KCNT1: variants seen among roughly 807,000 people sequenced by gnomAD.
The protein encoded by KCNT1 is potassium sodium-activated channel subfamily T member 1, also known as potassium channel subfamily T member 1.
In KCNT1, 78 loss-of-function variants were observed where a neutral mutation model predicts 147.8. The ratio of observed to expected loss-of-function variants is 0.53; its 90% CI spans 0.44 to 0.64. KCNT1 has a LOEUF of 0.64. Ranked by LOEUF, KCNT1 falls within the 30% of genes least tolerant of loss-of-function variation. KCNT1 has a pLI of 0.00. For synonymous variants in KCNT1, 867 were observed against 748.8 expected, an observed-to-expected ratio of 1.16 and a Z score of -2.58; for missense variants, 1,419 against 1,750.3, an observed-to-expected ratio of 0.81 and a Z score of 3.38.
Position 135,792,411 on chromosome 9 carries a change from T to C in KCNT1, c.*250T>C. Reference sequence around the variant, plus strand: ...ACACGTCGATGCAGTCCACTTCTCTTTACACAGATGTACCGCAACTCGTGA... The same window carrying C: ...ACACGTCGATGCAGTCCACTTCTCTCTACACAGATGTACCGCAACTCGTGA... On this transcript the variant is annotated 3_prime_UTR_variant, in exon 31 of 31. Transcript: ENST00000371757. 2 of 405,250 alleles carry C rather than the reference T, an allele frequency of 4.9e-6. No homozygotes were observed. The highest frequency in any genetic ancestry group is 5.2e-5 in the South Asian group (2 of 38,746). 25.1% of individuals were successfully genotyped at this position (405,250 alleles called of 1,614,324 possible). A position where few individuals can be genotyped will look rare whatever the true frequency, so the allele number is the denominator to read the frequency against.
intron 1 of KCNT1, among the ~76,000 whole-genome samples, chr9:135,706,517 C>A (rs956846814): frequency 5.3e-5 from 8 of 152,196 alleles, no homozygotes; most frequent in Non-Finnish European, 1.2e-4. Flanking sequence ...TGTGTCCTGC[C>A]AGGCACCACT....
chr9:135,748,819 C>G (rs938338141), intron 2 of KCNT1, among the ~76,000 whole-genome samples: 1 of 152,252 alleles, frequency 6.6e-6, no homozygotes, highest in African/African-American at 2.4e-5. Context: ...GTTCTGCCCC[C>G]ACACCATCCC....
At chr9:135,774,121 GGT>G (rs1203653371) in intron 19 of KCNT1, among the ~76,000 whole-genome samples, 1 of 151,266 alleles carries the variant, frequency 6.6e-6, no homozygotes, top group Non-Finnish European at 1.5e-5. Context: ...TGTCACGTGT[GGT>G]GTGTGTTGTG....
intron 2 of KCNT1, among the ~76,000 whole-genome samples, chr9:135,722,670 C>G (rs1460424761): frequency 6.6e-6 from 1 of 152,232 alleles, no homozygotes; most frequent in Non-Finnish European, 1.5e-5. Context: ...AAGGCGCCGG[C>G]GGACCAGGCT....
chr9:135,736,884 G>A, intron 2 of KCNT1: 1 of 279,582 alleles, frequency 3.6e-6, no homozygotes, highest in East Asian at 5.4e-5. Context: ...CCTGCAGCCC[G>A]GGGAAGGGGG....
At chr9:135,737,439 C>T (rs1830389393) in intron 2 of KCNT1, among the ~76,000 whole-genome samples, 1 of 152,174 alleles carries the variant, frequency 6.6e-6, no homozygotes, top group Non-Finnish European at 1.5e-5. Flanking sequence ...TCCTAGCCAG[C>T]ACCTTTCCCG....
intron 29 of KCNT1, chr9:135,788,309 G>A (rs568255628): frequency 5.1e-5 from 37 of 722,556 alleles, no homozygotes; most frequent in Non-Finnish European, 8.6e-5. Flanking sequence ...CGGCCCTGTT[G>A]GGCAAGGCCT....
chr9:135,746,498 G>T (rs192366706), intron 2 of KCNT1, among the ~76,000 whole-genome samples: 1 of 152,338 alleles, frequency 6.6e-6, no homozygotes, highest in East Asian at 1.9e-4. Flanking sequence ...TTGGCTGTCC[G>T]GAAGCCAGTG....
intron 24 of KCNT1, among the ~76,000 whole-genome samples, chr9:135,780,417 C>T (rs1453796490): frequency 2.0e-5 from 3 of 152,220 alleles, no homozygotes; most frequent in African/African-American, 7.2e-5. Context: ...CACACACGGG[C>T]ACTCCCTGCG....
At position 135,771,014 on chromosome 9, in the gene KCNT1, C is replaced by G. The variant is rs532620254; in HGVS notation, c.1927C>G (p.Arg643Gly). 1 of 1,613,686 alleles carries G rather than the reference C, an allele frequency of 6.2e-7. No homozygotes were observed. The highest frequency in any genetic ancestry group is 1.3e-5 in the African/African-American group (1 of 75,036). The change falls in exon 18 of 31, where the codon CGG becomes GGG. Residue 643 changes from arginine to glycine, a missense_variant. Coordinates refer to ENST00000371757, the MANE Select transcript of KCNT1 (RefSeq NM_020822.3). ...SAFIFKQEEK[R>G]KKRAFSGQGL... Reference sequence around the variant, plus strand: ...CTTCATCTTCAAGCAGGAGGAGAAGCGGAAGAAGAGGGCCTTCTCGGGGCA... The same window carrying G: ...CTTCATCTTCAAGCAGGAGGAGAAGGGGAAGAAGAGGGCCTTCTCGGGGCA...
chr9:135,751,876 G>A (rs1305115255), intron 4 of KCNT1, among the ~76,000 whole-genome samples: 6 of 152,098 alleles, frequency 3.9e-5, no homozygotes, highest in African/African-American at 9.7e-5. Flanking sequence ...CTCCTGCCTC[G>A]TTCCCTTGTT....
chr9:135,780,806 G>A (rs1556417), intron 24 of KCNT1, among the ~76,000 whole-genome samples: 41,242 of 152,210 alleles, frequency 0.27, 6,204 homozygotes, highest in African/African-American at 0.4. Context: ...TTCTGTGTTC[G>A]GGTGCCGGGC....
chr9:135,784,504 TCC>T (rs1833871128), intron 25 of KCNT1, 29 bp from the exon 26 acceptor site: 2 of 180,124 alleles, frequency 1.1e-5, no homozygotes, highest in East Asian at 2.8e-4. Flanking sequence ...CCTCCCTCCC[TCC>T]CTCCCTCCCT....
intron 2 of KCNT1, among the ~76,000 whole-genome samples, chr9:135,745,206 C>T (rs180868637): frequency 4.6e-5 from 7 of 152,344 alleles, no homozygotes; most frequent in African/African-American, 1.4e-4. Context: ...TCTTCTGCCC[C>T]GTCCTTGCCT....
In KCNT1 at chr9:135,772,934, G is replaced by A. The variant is rs1226834674; in HGVS notation, c.2228G>A (p.Gly743Glu). The A allele has an allele frequency of 3.3e-6, 5 of 1,508,644 alleles. No homozygotes were observed. Among genetic ancestry groups the A allele is most frequent in the Non-Finnish European group, 4.4e-6 (5 of 1,130,344 alleles). The allele number at this position is 1,508,644 out of a possible 1,614,324, so 93.5% of individuals were successfully genotyped here. Residue 743 changes from glycine to glutamate, a missense_variant, in exon 19 of 31, where the codon GGG becomes GAG. Coordinates refer to ENST00000371757, the MANE Select transcript of KCNT1 (RefSeq NM_020822.3). ...EDEVTPSDDE[G>E]LSVVEYVKGY... Reference sequence around the variant, plus strand: ...GAGGTGACGCCGTCGGACGACGAGGGGCTCTCCGTGGTAGAGTGAGTGCTG... The same window carrying A: ...GAGGTGACGCCGTCGGACGACGAGGAGCTCTCCGTGGTAGAGTGAGTGCTG...
At position 135,751,083 on chromosome 9, in the gene KCNT1, G is replaced by A. The variant is rs531786998; in HGVS notation, c.434+42G>A. On this transcript the variant is annotated intron_variant, in intron 4 of 30. Coordinates refer to ENST00000371757, the MANE Select transcript of KCNT1 (RefSeq NM_020822.3). ...GCCGGGCGCGGGGTCCCGGGTCCCA[G>A]GGCTGAGCCTTCCCACTGGGCCGTT... The A allele has an allele frequency of 3.8e-6, 6 of 1,563,362 alleles. No homozygotes were observed. The East Asian group carries it at 6.7e-5, about 18-fold the overall frequency.
chr9:135,726,229 T>C (rs1836132980), intron 2 of KCNT1, among the ~76,000 whole-genome samples: 1 of 151,884 alleles, frequency 6.6e-6, no homozygotes, highest in African/African-American at 2.4e-5. Flanking sequence ...CGGTGGATGC[T>C]CCCAGCCCCT....
intron 11 of KCNT1, among the ~76,000 whole-genome samples, chr9:135,761,204 TG>T (rs1422173241): frequency 6.6e-6 from 1 of 152,210 alleles, no homozygotes. Context: ...CTGTCTTTAC[TG>T]AAAAGATCAT....
chr9:135,774,345 C>CGTGTGTGGTGCGTGTTGTGTCT (rs1371004248), intron 19 of KCNT1, among the ~76,000 whole-genome samples: 3 of 109,076 alleles, frequency 2.8e-5, no homozygotes, highest in African/African-American at 1.1e-4. Context: ...GTTGTGTGTC[C>CGTGTGTGGTGCGTGTTGTGTCT]GTGTGTGGTG....
Sources: allele counts gnomAD v4.1 joint callset (sites outside exome capture counted in the v4.1 genomes callset), GRCh38; gene constraint gnomAD v4.1.1; transcripts MANE v1.5; gene names NCBI Gene and HGNC (gene_info 2026-07-23, HGNC 2026-07-21).